Variants in PTPRM observed in about 807,000 individuals in gnomAD.
PTPRM encodes the protein protein tyrosine phosphatase receptor type M, also known as receptor-type tyrosine-protein phosphatase mu.
A neutral mutation model predicts 186.7 loss-of-function variants in PTPRM; 47 were observed. The ratio of observed to expected loss-of-function variants is 0.25; its 90% CI spans 0.20 to 0.32. The LOEUF (loss-of-function observed/expected upper bound fraction) is 0.32, where lower values mean the gene tolerates loss of function less well. Ranked by LOEUF, PTPRM falls within the 10% of genes least tolerant of loss-of-function variation. The pLI, the probability that PTPRM is intolerant of heterozygous loss-of-function variation, is 1.00. For synonymous variants in PTPRM, 668 were observed against 674.9 expected (o/e 0.99, Z 0.16); for missense variants, 1,494 against 1,865.0 (o/e 0.80, Z 3.66).
chr18:7,650,963 G>A (rs982696148), intron 1 of PTPRM, among the ~76,000 whole-genome samples: 3 of 142,192 alleles, frequency 2.1e-5, no homozygotes, highest in African/African-American at 5.2e-5. Context: ...ACAGTGTCTT[G>A]CACTGTTGCC....
At chr18:8,284,803 C>T (rs1184186337) in intron 19 of PTPRM, among the ~76,000 whole-genome samples, 1 of 152,142 alleles carries the variant, frequency 6.6e-6, no homozygotes, top group Admixed American at 6.5e-5. Flanking sequence ...ACAAGGGCAG[C>T]TCTCTGTGTT....
At chr18:8,057,255 T>C (rs1271547317) in intron 7 of PTPRM, among the ~76,000 whole-genome samples, 1 of 151,966 alleles carries the variant, frequency 6.6e-6, no homozygotes, top group African/African-American at 2.4e-5. Context: ...AAACATAAAA[T>C]GTTAACATTT....
intron 5 of PTPRM, among the ~76,000 whole-genome samples, chr18:7,929,622 A>G (rs1210495503): frequency 6.6e-6 from 1 of 152,148 alleles, no homozygotes; most frequent in Non-Finnish European, 1.5e-5. Flanking sequence ...GGAAATATTT[A>G]TTTTATTAAT....
chr18:8,064,243 G>A (rs17395603), intron 7 of PTPRM, among the ~76,000 whole-genome samples: 9,344 of 152,146 alleles, frequency 0.061, 416 homozygotes, highest in South Asian at 0.099. Context: ...CAATTTAAGC[G>A]GAGTTCAAAC....
intron 1 of PTPRM, among the ~76,000 whole-genome samples, chr18:7,750,598 C>T (rs1369859075): frequency 6.6e-5 from 10 of 152,176 alleles, no homozygotes; most frequent in Non-Finnish European, 2.9e-5. Flanking sequence ...CAAAATCTGA[C>T]ATTCTTACCT....
At chr18:8,289,332 A>G (rs924074957) in intron 19 of PTPRM, among the ~76,000 whole-genome samples, 1 of 150,906 alleles carries the variant, frequency 6.6e-6, no homozygotes, top group African/African-American at 2.4e-5. Flanking sequence ...TAGAATAAGA[A>G]ACATATTCTA....
At chr18:8,358,274 C>CACAT (rs1389235464) in intron 23 of PTPRM, among the ~76,000 whole-genome samples, 1 of 151,074 alleles carries the variant, frequency 6.6e-6, no homozygotes, top group East Asian at 1.9e-4. Flanking sequence ...CACACACACA[C>CACAT]ATGCATACAC....
chr18:7,984,392 T>C (rs1010993673), intron 7 of PTPRM, among the ~76,000 whole-genome samples: 5 of 151,874 alleles, frequency 3.3e-5, no homozygotes, highest in African/African-American at 1.2e-4. Context: ...GTTTCCTGAC[T>C]CCCAACTGGG....
At chr18:8,135,905 G>T (rs1600760691) in intron 13 of PTPRM, among the ~76,000 whole-genome samples, 1 of 152,326 alleles carries the variant, frequency 6.6e-6, no homozygotes, top group Middle Eastern at 3.4e-3. Context: ...TTTTTGATGA[G>T]ATGGTGAATG....
chr18:8,357,830 CTTAA>C (rs145315281), intron 23 of PTPRM, among the ~76,000 whole-genome samples: 2,217 of 152,200 alleles, frequency 0.015, 64 homozygotes, highest in African/African-American at 0.05. Context: ...CCAGGAAACA[CTTAA>C]TTGACTACAA....
At chr18:8,148,677 T>C (rs2092937949) in intron 14 of PTPRM, among the ~76,000 whole-genome samples, 1 of 152,176 alleles carries the variant, frequency 6.6e-6, no homozygotes. Context: ...CTTAGTTATC[T>C]CTTGTCTTCT....
intron 14 of PTPRM, among the ~76,000 whole-genome samples, chr18:8,181,796 G>A (rs375375543): frequency 3.3e-5 from 5 of 152,070 alleles, no homozygotes; most frequent in African/African-American, 1.2e-4. Flanking sequence ...CATCGGTGCT[G>A]GCAGTGTTGC....
chr18:8,301,831 T>C (rs913333643), intron 20 of PTPRM, among the ~76,000 whole-genome samples: 1 of 152,106 alleles, frequency 6.6e-6, no homozygotes, highest in African/African-American at 2.4e-5. Flanking sequence ...GGAATGGAGA[T>C]TGGTCAGGGT....
intron 7 of PTPRM, among the ~76,000 whole-genome samples, chr18:7,989,939 T>C (rs1445648948): frequency 6.6e-6 from 1 of 152,210 alleles, no homozygotes; most frequent in Non-Finnish European, 1.5e-5. Context: ...AGTCTTGCTC[T>C]GTTGCCCAAG....
chr18:7,585,695 C>T (rs1277868728), intron 1 of PTPRM, among the ~76,000 whole-genome samples: 1 of 152,074 alleles, frequency 6.6e-6, no homozygotes, highest in African/African-American at 2.4e-5. Flanking sequence ...AGTGGTAAAC[C>T]AAACAGGTAT....
chr18:7,783,836 G>A (rs1479438248), intron 2 of PTPRM, among the ~76,000 whole-genome samples: 2 of 151,762 alleles, frequency 1.3e-5, no homozygotes, highest in East Asian at 3.9e-4. Context: ...TGAACTCCTG[G>A]ACTCAAGCAA....
Position 8,343,471 on chromosome 18 carries a change from A to G in PTPRM, c.3005A>G (p.Glu1002Gly). The change falls in exon 23 of 33, where the codon GAA (glutamate) becomes GGA (glycine). Residue 1002 changes from glutamate to glycine, a missense_variant. Glu to Gly is a moderately conservative substitution (Grantham distance 98). Transcript: ENST00000580170. ...GACTTCTGGAGGATGGTGTGGCACG[A>G]AAACACTGCAAGTATCATCATGGTG... ...IYDFWRMVWH[E>G]NTASIIMVTN... 6.2e-7 allele frequency: 1 copy of G among 1,614,146 alleles called. No homozygotes were observed. Among genetic ancestry groups the G allele is most frequent in the Non-Finnish European group, 8.5e-7 (1 of 1,180,004 alleles).
At chr18:8,289,251 A>G (rs968324585) in intron 19 of PTPRM, among the ~76,000 whole-genome samples, 22 of 151,860 alleles carry the variant, frequency 1.4e-4, no homozygotes, top group African/African-American at 5.3e-4. Flanking sequence ...GCATGTATGG[A>G]TCAACAGGAA....
chr18:8,073,521 T>C (rs1662622357), intron 8 of PTPRM, among the ~76,000 whole-genome samples: 1 of 152,270 alleles, frequency 6.6e-6, no homozygotes, highest in South Asian at 2.1e-4. Context: ...TAATGTTTTT[T>C]GTTGCTTCAA....
Sources: allele counts gnomAD v4.1 joint callset (sites outside exome capture counted in the v4.1 genomes callset), GRCh38; gene constraint gnomAD v4.1.1; transcripts MANE v1.5; gene names NCBI Gene and HGNC (gene_info 2026-07-23, HGNC 2026-07-21).